The following CADM1 variants were observed in gnomAD, a reference collection of about 807,000 sequenced individuals.
CADM1 encodes the protein cell adhesion molecule 1, also known as TSLC-1.
CADM1 carries 15 observed loss-of-function variants against 53.1 expected under a neutral mutation model. The ratio of observed to expected loss-of-function variants is 0.28; its 90% CI spans 0.19 to 0.44. The LOEUF is 0.44. Among genes scored for constraint, CADM1 ranks in the 20% least tolerant of loss-of-function variants. CADM1 has a pLI of 1.00. For synonymous variants in CADM1, 281 were observed against 243.0 expected (o/e 1.16, Z -1.45); for missense variants, 434 against 611.3 (o/e 0.71, Z 3.06).
At position 115,174,159 on chromosome 11, in the gene CADM1, T is replaced by C; in HGVS notation, c.*2315A>G. The stretch of plus-strand genomic sequence containing the variant: ...ACATGAACCTGAGACATGTCAACAT[T>C]GTAAGCCATAAAGTTACATCAGGAA... On this transcript the variant is annotated 3_prime_UTR_variant, in exon 12 of 12. Transcript: ENST00000331581. The C allele has an allele frequency of 5.0e-5, 49 of 985,438 alleles. No homozygotes were observed. The highest frequency in any genetic ancestry group is 5.9e-5 in the Non-Finnish European group (49 of 829,928). The allele number at this position is 985,438 out of a possible 1,614,324, so 61.0% of individuals were successfully genotyped here. A position where few individuals can be genotyped will look rare whatever the true frequency, so the allele number is the denominator to read the frequency against.
intron 1 of CADM1, among the ~76,000 whole-genome samples, chr11:115,393,791 A>G (rs1486320214): frequency 6.6e-6 from 1 of 152,198 alleles, no homozygotes; most frequent in Non-Finnish European, 1.5e-5. Flanking sequence ...AAATGAGAAA[A>G]TACAAAGCAT....
In CADM1 at chr11:115,169,610, G is replaced by A; in HGVS notation, c.*6864C>T. On this transcript the variant is annotated 3_prime_UTR_variant, in exon 12 of 12. Transcript: ENST00000331581. ...CTCATCACTTTATTCTGGGAGAGGA[G>A]GTTAGAGAAAACAGGCCTAGAGAGA... 2.2e-6 allele frequency: 1 copy of A among 456,634 alleles called. No homozygotes were observed. Among genetic ancestry groups the A allele is most frequent in the South Asian group, 1.5e-5 (1 of 64,558 alleles). The allele number at this position is 456,634 out of a possible 1,614,324, so 28.3% of individuals were successfully genotyped here.
chr11:115,393,368 A>G (rs1417892639), intron 1 of CADM1, among the ~76,000 whole-genome samples: 1 of 151,756 alleles, frequency 6.6e-6, no homozygotes, highest in Non-Finnish European at 1.5e-5. Context: ...TTATCAACAT[A>G]AAGATATTCT....
intron 1 of CADM1, among the ~76,000 whole-genome samples, chr11:115,331,419 G>A (rs1253991151): frequency 6.6e-6 from 1 of 152,110 alleles, no homozygotes; most frequent in African/African-American, 2.4e-5. Context: ...AGGCAGATCT[G>A]TGAAGCTTGC....
intron 9 of CADM1, among the ~76,000 whole-genome samples, chr11:115,197,550 G>A (rs1940218747): frequency 6.6e-6 from 1 of 152,190 alleles, no homozygotes; most frequent in Non-Finnish European, 1.5e-5. Flanking sequence ...GAGAGACATA[G>A]AAAAGTTAAT....
At position 115,257,861 on chromosome 11, in the gene CADM1, C is replaced by T. The variant is rs146600421; in HGVS notation, c.125-17441G>A. On this transcript the variant is annotated intron_variant, in intron 1 of 11. Coordinates refer to ENST00000331581, the MANE Select transcript of CADM1 (RefSeq NM_001301043.2). Reference sequence around the variant, plus strand: ...CATCAGCATCACCTGGAGGGCCTGTCTGCTGGGCCCTTCCCAGGGTTTCAG... The same window carrying T: ...CATCAGCATCACCTGGAGGGCCTGTTTGCTGGGCCCTTCCCAGGGTTTCAG... Among the ~76,000 whole-genome samples, 5 of 152,328 alleles carry T rather than the reference C, an allele frequency of 3.3e-5. No homozygotes were observed. In the East Asian group the frequency reaches 9.7e-4, roughly 29 times the overall value.
chr11:115,339,137 T>C (rs1236543587), intron 1 of CADM1, among the ~76,000 whole-genome samples: 2 of 144,728 alleles, frequency 1.4e-5, no homozygotes, highest in Non-Finnish European at 3.0e-5. Context: ...TGAGTGAGAA[T>C]ATGCGGTGTT....
At chr11:115,365,948 CTGAT>C (rs753851410) in intron 1 of CADM1, among the ~76,000 whole-genome samples, 1 of 152,294 alleles carries the variant, frequency 6.6e-6, no homozygotes, top group South Asian at 2.1e-4. Flanking sequence ...CAGCTGTCTA[CTGAT>C]TGATTGGGCA....
At chr11:115,494,032 G>A (rs988868599) in intron 1 of CADM1, among the ~76,000 whole-genome samples, 1 of 152,092 alleles carries the variant, frequency 6.6e-6, no homozygotes, top group Non-Finnish European at 1.5e-5. Flanking sequence ...CCAGGAAAAT[G>A]TCTTTATTCT....
chr11:115,499,235 T>C (rs966946823), intron 1 of CADM1, among the ~76,000 whole-genome samples: 2 of 152,246 alleles, frequency 1.3e-5, no homozygotes, highest in Non-Finnish European at 2.9e-5. Flanking sequence ...GAACCAGTTC[T>C]ACTGCTAATA....
intron 1 of CADM1, among the ~76,000 whole-genome samples, chr11:115,289,333 C>G (rs1170981747): frequency 2.0e-5 from 3 of 151,602 alleles, no homozygotes; most frequent in Non-Finnish European, 4.4e-5. Flanking sequence ...CCACTGCACT[C>G]CAGCCTGGGC....
chr11:115,351,381 G>C (rs920337370), intron 1 of CADM1, among the ~76,000 whole-genome samples: 1 of 152,152 alleles, frequency 6.6e-6, no homozygotes, highest in Non-Finnish European at 1.5e-5. Context: ...TTTCACAACA[G>C]ATAGGCAGTT....
At chr11:115,299,652 G>A (rs1944168674) in intron 1 of CADM1, among the ~76,000 whole-genome samples, 1 of 152,090 alleles carries the variant, frequency 6.6e-6, no homozygotes, top group Non-Finnish European at 1.5e-5. Context: ...TTCCTGCAGA[G>A]TTTTGCAGTC....
chr11:115,496,677 G>A (rs1173721005), intron 1 of CADM1, among the ~76,000 whole-genome samples: 3 of 152,126 alleles, frequency 2.0e-5, no homozygotes, highest in Non-Finnish European at 4.4e-5. Flanking sequence ...ACTAGAGTAG[G>A]GGGAACTGGC....
In CADM1 at chr11:115,170,363, T is replaced by A. The variant is rs1394811325; in HGVS notation, c.*6111A>T. The A allele has an allele frequency of 6.6e-6, 1 of 152,208 alleles. No homozygotes were observed. Among genetic ancestry groups the A allele is most frequent in the African/African-American group, 2.4e-5 (1 of 41,442 alleles). The allele number at this position is 152,208 out of a possible 1,614,324, so 9.4% of individuals were successfully genotyped here. ...TCAGGTTCCTTGTTGGAATACATTC[T>A]GCATTTCAATAGGCAAGGCTCGAGT... On this transcript the variant is annotated 3_prime_UTR_variant, in exon 12 of 12. Coordinates refer to ENST00000331581, the MANE Select transcript of CADM1 (RefSeq NM_001301043.2).
At chr11:115,246,882 A>G (rs1942425969) in intron 1 of CADM1, among the ~76,000 whole-genome samples, 1 of 152,232 alleles carries the variant, frequency 6.6e-6, no homozygotes. Flanking sequence ...TTAACATTTT[A>G]TAATCAGTAA....
At chr11:115,484,421 G>A (rs181502977) in intron 1 of CADM1, among the ~76,000 whole-genome samples, 103 of 152,306 alleles carry the variant, frequency 6.8e-4, no homozygotes, top group African/African-American at 2.4e-3. Flanking sequence ...CAGAAAAACA[G>A]CTTCCATCTA....
intron 9 of CADM1, among the ~76,000 whole-genome samples, chr11:115,193,315 CAT>C (rs891619875): frequency 2.6e-5 from 4 of 152,188 alleles, no homozygotes; most frequent in Non-Finnish European, 4.4e-5. Flanking sequence ...ATGTATTCAA[CAT>C]ATGTCTTTAA....
In CADM1 at chr11:115,360,260, T is replaced by C. The variant is rs556254378; in HGVS notation, c.125-119840A>G. 1.5e-4 allele frequency among the ~76,000 whole-genome samples: 23 copies of C among 152,346 alleles called. No homozygotes were observed. In the Middle Eastern group the frequency reaches 0.01, roughly 68 times the overall value. On this transcript the variant is annotated intron_variant, in intron 1 of 11. Transcript: ENST00000331581. Reference sequence around the variant, plus strand: ...AGCCATCTAAAAACAACTTGCACTTTTGCTGACTTTGTTGGCTGCATCCTA... The same window carrying C: ...AGCCATCTAAAAACAACTTGCACTTCTGCTGACTTTGTTGGCTGCATCCTA...
Sources: allele counts gnomAD v4.1 joint callset (sites outside exome capture counted in the v4.1 genomes callset), GRCh38; gene constraint gnomAD v4.1.1; transcripts MANE v1.5; gene names NCBI Gene and HGNC (gene_info 2026-07-23, HGNC 2026-07-21).